The following PAM variants were observed in gnomAD, a reference collection of about 807,000 sequenced individuals.
The protein encoded by PAM is peptidyl-glycine alpha-amidating monooxygenase.
Under a neutral mutation model 122.1 loss-of-function variants are expected in PAM, and 72 were observed. The ratio of observed to expected loss-of-function variants is 0.59; its 90% CI spans 0.49 to 0.72. The LOEUF (loss-of-function observed/expected upper bound fraction) is 0.72, where lower values mean the gene tolerates loss of function less well. Among genes scored for constraint, PAM ranks in the 30% least tolerant of loss-of-function variants. The probability of loss-of-function intolerance (pLI) is 0.00; values close to 1 mark genes in which losing one functional copy is unlikely to be tolerated. For missense variants in PAM, 1,106 were observed against 1,183.7 expected, an observed-to-expected ratio of 0.93 and a Z score of 0.96; for synonymous variants, 389 against 404.4, an observed-to-expected ratio of 0.96 and a Z score of 0.46.
At position 102,978,398 on chromosome 5, in the gene PAM, T is replaced by A. The variant is rs548025345; in HGVS notation, c.1483+3962T>A. Among the ~76,000 whole-genome samples, 10 of 152,304 alleles carry A rather than the reference T, an allele frequency of 6.6e-5. No individual in the cohort carries two copies. The South Asian group carries it at 8.3e-4, about 13-fold the overall frequency. On this transcript the variant is annotated intron_variant, in intron 15 of 25. Transcript: ENST00000438793. ...ATAGTTTAGTTTCTATCATTAATAGTTTAGATAGAGATAGCATTAATAGAG... is the reference window on the plus strand; with the variant it reads ...ATAGTTTAGTTTCTATCATTAATAGATTAGATAGAGATAGCATTAATAGAG...
At chr5:103,014,242 G>A (rs1488681955) in intron 21 of PAM, among the ~76,000 whole-genome samples, 1 of 152,162 alleles carries the variant, frequency 6.6e-6, no homozygotes, top group Non-Finnish European at 1.5e-5. Context: ...TAAGTGCTAA[G>A]CAAGAGGCTA....
At chr5:102,917,498 G>A (rs1745837651) in intron 5 of PAM, among the ~76,000 whole-genome samples, 1 of 152,102 alleles carries the variant, frequency 6.6e-6, no homozygotes, top group African/African-American at 2.4e-5. Flanking sequence ...ACACTCTAGG[G>A]AAACTTATAA....
intron 3 of PAM, among the ~76,000 whole-genome samples, chr5:102,869,111 G>A (rs1786525424): frequency 6.6e-6 from 1 of 152,150 alleles, no homozygotes; most frequent in South Asian, 2.1e-4. Context: ...CCTTCTCTGA[G>A]ACTATGTGAT....
intron 1 of PAM, among the ~76,000 whole-genome samples, chr5:102,765,143 G>A (rs1333674237): frequency 6.6e-6 from 1 of 152,046 alleles, no homozygotes; most frequent in Non-Finnish European, 1.5e-5. Context: ...CCTTCCTTGA[G>A]TCACTTGAAG....
chr5:102,812,196 G>A (rs886322987), intron 1 of PAM, among the ~76,000 whole-genome samples: 4 of 152,182 alleles, frequency 2.6e-5, no homozygotes, highest in African/African-American at 9.7e-5. Context: ...AGTTTCCTAG[G>A]AAAGGTACAA....
In PAM at chr5:102,990,349, C is replaced by T; in HGVS notation, c.1561C>T (p.Pro521Ser). 1.2e-6 allele frequency: 2 copies of T among 1,608,900 alleles called. No homozygotes were observed. Among genetic ancestry groups the T allele is most frequent in the Non-Finnish European group, 1.7e-6 (2 of 1,176,430 alleles). Reference protein sequence around the residue: ...PGQVSGVALDPKNNLVIFHRG... With the variant: ...PGQVSGVALDSKNNLVIFHRG... The stretch of plus-strand genomic sequence containing the variant: ...CCAGGTTTCTGGGGTGGCTCTAGAC[C>T]CTAAGAATAACCTGGTGATTTTCCA... The change falls in exon 16 of 26, where the codon CCT (proline) becomes TCT (serine). Residue 521 changes from proline to serine, a missense_variant. Physicochemically the swap from Pro to Ser is moderately conservative, Grantham distance 74. Around this residue, in one of 3 missense-constraint regions of PAM, gnomAD observed 670 missense variants for 690.3 expected, o/e 0.97. Transcript: ENST00000438793.
intron 12 of PAM, among the ~76,000 whole-genome samples, chr5:102,957,504 T>G (rs573947805): frequency 5.9e-5 from 9 of 152,082 alleles, no homozygotes; most frequent in Non-Finnish European, 1.3e-4. Flanking sequence ...ATGGTAAGAT[T>G]TTTGTTTGTT....
rs1762383419 is a variant in PAM, at chr5:102,961,202, C to T, written c.1135C>T (p.Arg379Ter). ...DKIPLLQQPK[R>*]EEEEVLDQGD... ...GATTCCTTTACTACAGCAGCCAAAA[C>T]GAGAAGAAGAAGAAGTGTTAGACCA... Residue 379 changes from arginine to a stop codon, truncating the protein, a stop_gained, in exon 14 of 26, where the codon CGA becomes TGA. Transcript: ENST00000438793. LOFTEE classifies it high-confidence loss of function. 8 of 1,577,566 alleles carry T rather than the reference C, an allele frequency of 5.1e-6. No individual in the cohort carries two copies. Among genetic ancestry groups the T allele is most frequent in the Non-Finnish European group, 7.0e-6 (8 of 1,147,684 alleles).
intron 1 of PAM, among the ~76,000 whole-genome samples, chr5:102,768,170 C>T (rs1381398579): frequency 2.0e-5 from 3 of 152,004 alleles, no homozygotes; most frequent in African/African-American, 7.2e-5. Flanking sequence ...TGATTCATAC[C>T]TAACCATGTC....
chr5:102,770,891 T>G (rs1260541741), intron 1 of PAM, among the ~76,000 whole-genome samples: 1 of 151,980 alleles, frequency 6.6e-6, no homozygotes, highest in Non-Finnish European at 1.5e-5. Context: ...TTAATAATAG[T>G]TAATAATTTC....
At chr5:102,922,845 C>T (rs940096265) in intron 5 of PAM, among the ~76,000 whole-genome samples, 3 of 152,148 alleles carry the variant, frequency 2.0e-5, no homozygotes, top group African/African-American at 7.2e-5. Context: ...ACACATTTGA[C>T]AATATCATTT....
intron 1 of PAM, among the ~76,000 whole-genome samples, chr5:102,775,664 A>G (rs1756973757): frequency 6.6e-6 from 1 of 152,182 alleles, no homozygotes; most frequent in African/African-American, 2.4e-5. Flanking sequence ...TGCAAAGGAC[A>G]TGATCTCATT....
At chr5:102,796,976 C>A (rs77397890) in intron 1 of PAM, among the ~76,000 whole-genome samples, 1,551 of 152,204 alleles carry the variant, frequency 0.01, 26 homozygotes, top group African/African-American at 0.036. Context: ...TGATAGAGAG[C>A]CATATGCTTC....
intron 21 of PAM, among the ~76,000 whole-genome samples, chr5:103,016,791 C>A (rs1782142232): frequency 6.6e-6 from 1 of 152,152 alleles, no homozygotes; most frequent in South Asian, 2.1e-4. Flanking sequence ...CTACGTATCT[C>A]TTAGTGTACA....
intron 24 of PAM, among the ~76,000 whole-genome samples, chr5:103,027,172 C>A (rs1297939586): frequency 1.3e-5 from 2 of 152,164 alleles, no homozygotes; most frequent in East Asian, 3.8e-4. Context: ...ATTTATTCAT[C>A]ATTCCTTATT....
chr5:102,967,286 A>G (rs191220018), intron 14 of PAM, among the ~76,000 whole-genome samples: 44 of 152,294 alleles, frequency 2.9e-4, no homozygotes, highest in Middle Eastern at 3.4e-3. Context: ...AGCTGCTACT[A>G]TAGTTGTGTT....
At chr5:103,030,621 A>G (rs1786115003), downstream of PAM, 1 of 152,218 alleles carries the variant, frequency 6.6e-6, no homozygotes, top group Admixed American at 6.5e-5. Flanking sequence ...AATGAATGAC[A>G]TTGACTTCAG....
chr5:102,881,331 G>A (rs1156711755), intron 3 of PAM, among the ~76,000 whole-genome samples: 3 of 151,676 alleles, frequency 2.0e-5, no homozygotes, highest in Non-Finnish European at 4.4e-5. Flanking sequence ...ACAAAAATTC[G>A]TTCATGTTAA....
At chr5:102,843,361 C>T (rs1002778051) in intron 1 of PAM, among the ~76,000 whole-genome samples, 2 of 152,002 alleles carry the variant, frequency 1.3e-5, no homozygotes, top group African/African-American at 4.8e-5. Context: ...TCAGCTTATA[C>T]AAAAACGAAC....
Sources: allele counts gnomAD v4.1 joint callset (sites outside exome capture counted in the v4.1 genomes callset), GRCh38; gene constraint gnomAD v4.1.1; regional missense constraint gnomAD v4.1.1; transcripts MANE v1.5; gene names NCBI Gene and HGNC (gene_info 2026-07-23, HGNC 2026-07-21).